Variants in RFWD3 observed in about 807,000 individuals in gnomAD.
RFWD3 encodes the protein E3 ubiquitin-protein ligase RFWD3.
Under a neutral mutation model 87.7 loss-of-function variants are expected in RFWD3, and 65 were observed. The observed-to-expected ratio is 0.74, with a 90% confidence interval of 0.61 to 0.91. The LOEUF (loss-of-function observed/expected upper bound fraction) is 0.91, where lower values mean the gene tolerates loss of function less well. Ranked by LOEUF, RFWD3 falls within the 40% of genes least tolerant of loss-of-function variation. The pLI, the probability that RFWD3 is intolerant of heterozygous loss-of-function variation, is 0.00. For synonymous variants in RFWD3, 433 were observed against 352.8 expected (o/e 1.23, Z -2.55); for missense variants, 1,078 against 938.5 (o/e 1.15, Z -1.94).
intron 2 of RFWD3, chr16:74,660,700 TAC>T (rs898806287): frequency 1.4e-4 from 73 of 520,508 alleles, no homozygotes; most frequent in African/African-American, 1.3e-3. Context: ...AGCCAATCTC[TAC>T]AGAGATTGCC....
intron 3 of RFWD3, among the ~76,000 whole-genome samples, chr16:74,651,271 C>G (rs1226777190): frequency 6.6e-6 from 1 of 152,122 alleles, no homozygotes; most frequent in East Asian, 1.9e-4. Flanking sequence ...TATACTAGGA[C>G]TTGAAAGTGT....
intron 8 of RFWD3, among the ~76,000 whole-genome samples, chr16:74,635,719 C>G (rs1198153792): frequency 6.6e-6 from 1 of 152,130 alleles, no homozygotes; most frequent in Non-Finnish European, 1.5e-5. Context: ...TATAACCATG[C>G]TAAAGCAAAG....
intron 1 of RFWD3, among the ~76,000 whole-genome samples, chr16:74,662,913 T>A (rs1472584331): frequency 6.6e-6 from 1 of 151,920 alleles, no homozygotes; most frequent in Non-Finnish European, 1.5e-5. Flanking sequence ...GCTTCTTTTT[T>A]TTTTTTTTTG....
At chr16:74,663,619 A>C (rs1046157362) in intron 1 of RFWD3, among the ~76,000 whole-genome samples, 16 of 152,248 alleles carry the variant, frequency 1.1e-4, no homozygotes, top group African/African-American at 3.1e-4. Context: ...AAAACCCACG[A>C]ACATGACCCC....
rs1407063570 is a variant in RFWD3 at position 74,621,429 on chromosome 16, CA to C, written c.*2498del. The stretch of plus-strand genomic sequence containing the variant: ...AGCAAATTCTTTATTTTCATATTAA[CA>C]GTAAAACATAAAACAGAAACATTAA... On this transcript the variant is annotated 3_prime_UTR_variant, in exon 13 of 13. Coordinates refer to ENST00000361070, the MANE Select transcript of RFWD3 (RefSeq NM_018124.4). The C allele has an allele frequency of 2.6e-5, 4 of 152,176 alleles. No individual in the cohort carries two copies. Among genetic ancestry groups the C allele is most frequent in the African/African-American group, 9.7e-5 (4 of 41,438 alleles). 9.4% of individuals were successfully genotyped at this position (152,176 alleles called of 1,614,324 possible). A position where few individuals can be genotyped will look rare whatever the true frequency, so the allele number is the denominator to read the frequency against.
Position 74,623,912 on chromosome 16 carries a change from G to C in RFWD3, c.*16C>G. 1.2e-6 allele frequency: 2 copies of C among 1,613,614 alleles called. No homozygotes were observed. The highest frequency in any genetic ancestry group is 1.1e-5 in the South Asian group (1 of 91,008). On this transcript the variant is annotated 3_prime_UTR_variant, in exon 13 of 13. Transcript: ENST00000361070. The stretch of plus-strand genomic sequence containing the variant: ...CATCTAACCAGCAGCATGCCTTCAA[G>C]GTTTCGAGACCACAGTCACTCCCAC...
chr16:74,638,947 G>A (rs1433814704), intron 6 of RFWD3, among the ~76,000 whole-genome samples: 2 of 151,354 alleles, frequency 1.3e-5, no homozygotes, highest in East Asian at 3.9e-4. Context: ...AACTTGTATA[G>A]TATGTTACCA....
rs1961434878 is a variant in RFWD3, at chr16:74,661,466, T to C, written c.-2-15A>G. 2 of 1,572,896 alleles carry C rather than the reference T, an allele frequency of 1.3e-6. No individual in the cohort carries two copies. The highest frequency in any genetic ancestry group is 1.2e-5 in the South Asian group (1 of 85,296). On this transcript the variant is annotated splice_polypyrimidine_tract_variant and intron_variant, in intron 1 of 12. Transcript: ENST00000361070. ...ATGAGCCATCACTAGAGAAACAGTA[T>C]TTGTAAAAAGTATTAATAAAATAGA...
At chr16:74,635,799 A>T (rs1959191676) in intron 8 of RFWD3, among the ~76,000 whole-genome samples, 1 of 152,234 alleles carries the variant, frequency 6.6e-6, no homozygotes, top group African/African-American at 2.4e-5. Flanking sequence ...TTTAGAAATG[A>T]TTTAATTGAG....
intron 2 of RFWD3, among the ~76,000 whole-genome samples, chr16:74,654,394 T>G (rs1250202020): frequency 6.6e-6 from 1 of 152,214 alleles, no homozygotes; most frequent in Non-Finnish European, 1.5e-5. Context: ...GAGTGTGTTA[T>G]GTAATTTTTA....
chr16:74,626,053 G>A (rs920062098), intron 12 of RFWD3, among the ~76,000 whole-genome samples: 2 of 152,214 alleles, frequency 1.3e-5, no homozygotes, highest in African/African-American at 4.8e-5. Context: ...GGGCATGGTG[G>A]TGGGGTGCCT....
intron 10 of RFWD3, among the ~76,000 whole-genome samples, chr16:74,630,191 G>A (rs779686080): frequency 1.3e-5 from 2 of 152,142 alleles, no homozygotes; most frequent in Admixed American, 6.5e-5. Flanking sequence ...CGCCTCCGAG[G>A]CTCAATAGAT....
At chr16:74,645,391 T>A (rs887978851) in intron 4 of RFWD3, among the ~76,000 whole-genome samples, 3 of 152,264 alleles carry the variant, frequency 2.0e-5, no homozygotes, top group African/African-American at 7.2e-5. Flanking sequence ...GGGAATACAT[T>A]CTGAGAAATG....
chr16:74,632,180 G>A (rs1480384584), intron 9 of RFWD3, among the ~76,000 whole-genome samples: 1 of 151,714 alleles, frequency 6.6e-6, no homozygotes, highest in Non-Finnish European at 1.5e-5. Flanking sequence ...CATGAGGTCA[G>A]GAGATTGAGC....
In RFWD3 at chr16:74,661,030, T is replaced by TGAA; in HGVS notation, c.417_419dup (p.Ser142dup). On this transcript the variant is annotated inframe_insertion, in exon 2 of 13. Transcript: ENST00000361070. ...TTGGCCCTACACTGTGGTTTGAAGA[T>TGAA]GAAGGTCTCAGGAATTCCAGCATGC... 1 of 1,614,210 alleles carries TGAA rather than the reference T, an allele frequency of 6.2e-7. No homozygotes were observed.
At chr16:74,629,100 A>G (rs1959016526) in intron 10 of RFWD3, among the ~76,000 whole-genome samples, 1 of 152,240 alleles carries the variant, frequency 6.6e-6, no homozygotes, top group African/African-American at 2.4e-5. Context: ...GCTACATTTT[A>G]ATTCAGAAAC....
chr16:74,621,439 T>G lies in RFWD3; in HGVS notation c.*2489A>C, dbSNP rs1958763719. On this transcript the variant is annotated 3_prime_UTR_variant, in exon 13 of 13. Coordinates refer to ENST00000361070, the MANE Select transcript of RFWD3 (RefSeq NM_018124.4). ...TTATTTTCATATTAACAGTAAAACA[T>G]AAAACAGAAACATTAAAACAGGGCA... The G allele has an allele frequency of 6.6e-6, 1 of 152,148 alleles. No homozygotes were observed. Among genetic ancestry groups the G allele is most frequent in the Non-Finnish European group, 1.5e-5 (1 of 68,030 alleles). The allele number at this position is 152,148 out of a possible 1,614,324, so 9.4% of individuals were successfully genotyped here.
At chr16:74,652,391 T>C (rs1420075604) in intron 2 of RFWD3, among the ~76,000 whole-genome samples, 2 of 152,116 alleles carry the variant, frequency 1.3e-5, no homozygotes, top group African/African-American at 4.8e-5. Context: ...CATCTGGCCA[T>C]ATTGTCAGTA....
In RFWD3 at chr16:74,636,559, A is replaced by G; in HGVS notation, c.1213T>C (p.Ser405Pro). Residue 405 changes from serine (S) to proline (P), a missense_variant, in exon 8 of 13, where the codon TCA becomes CCA. Physicochemically the swap from Ser to Pro is moderately conservative, Grantham distance 74. Coordinates refer to ENST00000361070, the MANE Select transcript of RFWD3 (RefSeq NM_018124.4). ...RRVQDLQKLT[S>P]HQSQNLQQPR... Reference sequence around the variant, plus strand: ...TGCTGTAAATTCTGACTTTGATGTGACGTAAGTTTTTGCAAGTCCTAAAAT... The same window carrying G: ...TGCTGTAAATTCTGACTTTGATGTGGCGTAAGTTTTTGCAAGTCCTAAAAT... 1 of 1,613,446 alleles carries G rather than the reference A, an allele frequency of 6.2e-7. No individual in the cohort carries two copies. Among genetic ancestry groups the G allele is most frequent in the South Asian group, 1.1e-5 (1 of 90,974 alleles).
Sources: gnomAD v4.1 joint callset for allele counts (sites outside exome capture counted in the v4.1 genomes callset) on GRCh38, gnomAD v4.1.1 for gene constraint, MANE v1.5 for transcripts, NCBI Gene and HGNC (gene_info 2026-07-23, HGNC 2026-07-21) for gene names.